Variants in LIPI observed in about 807,000 individuals in gnomAD.
LIPI encodes lipase I.
In LIPI, 59 loss-of-function variants were observed where a neutral mutation model predicts 50.6. The observed-to-expected ratio is 1.16, with a 90% CI of 0.94 to 1.45. LIPI has a LOEUF of 1.45. Ranked by LOEUF, LIPI falls within the 40% of genes most tolerant of loss-of-function variation. The pLI is 0.00. For missense variants in LIPI, 586 were observed against 536.3 expected, an observed-to-expected ratio of 1.09 and a Z score of -0.92; for synonymous variants, 203 against 178.2, an observed-to-expected ratio of 1.14 and a Z score of -1.11.
chr21:14,196,528 T>G (rs1265819381), intron 1 of LIPI, among the ~76,000 whole-genome samples: 1 of 152,100 alleles, frequency 6.6e-6, no homozygotes, highest in African/African-American at 2.4e-5. Context: ...GTGCACCTAT[T>G]TTTTCAAAAC....
intron 7 of LIPI, among the ~76,000 whole-genome samples, chr21:14,158,457 G>C (rs1340222588): frequency 1.3e-5 from 2 of 151,406 alleles, no homozygotes; most frequent in East Asian, 3.9e-4. Flanking sequence ...AAATTTCACA[G>C]ACTAAATGAT....
Position 14,166,435 on chromosome 21 carries a change from C to T in LIPI, c.660G>A (p.Glu220=), listed in dbSNP as rs766768047. Reference sequence around the variant, plus strand: ...GATAAAAATCTATATGTCCCAAGGGCTCTTGAATGCCTAAACCTGAGAAGA... The same window carrying T: ...GATAAAAATCTATATGTCCCAAGGGTTCTTGAATGCCTAAACCTGAGAAGA... ...HSDSNGLGIQ[E]PLGHIDFYPN... Residue 220 remains glutamate (E), a synonymous_variant, in exon 5 of 10, where the codon GAG becomes GAA. Coordinates refer to ENST00000681601, the MANE Select transcript of LIPI (RefSeq NM_001302998.2). 33 of 1,604,142 alleles carry T rather than the reference C, an allele frequency of 2.1e-5. No homozygotes were observed. Among genetic ancestry groups the T allele is most frequent in the Non-Finnish European group, 2.7e-5 (32 of 1,171,070 alleles).
Position 14,165,361 on chromosome 21 carries a change from T to C in LIPI, c.763A>G (p.Arg255Gly), listed in dbSNP as rs1211342905. The change falls in exon 6 of 10, where the codon AGA (arginine) becomes GGA (glycine). Residue 255 changes from arginine to glycine, a missense_variant. Transcript: ENST00000681601. ...GIQFIKCNHQ[R>G]AVHLFMASLE... ...GATGCCATGAACAAGTGAACTGCTC[T>C]CTGGTGGTTGCATTTAATGAATTGA... 1 of 1,612,440 alleles carries C rather than the reference T, an allele frequency of 6.2e-7. No individual in the cohort carries two copies. The highest frequency in any genetic ancestry group is 1.3e-5 in the African/African-American group (1 of 74,856).
intron 9 of LIPI, among the ~76,000 whole-genome samples, chr21:14,137,762 G>T (rs1247189487): frequency 6.6e-6 from 1 of 152,078 alleles, no homozygotes; most frequent in Non-Finnish European, 1.5e-5. Context: ...GTATAAGAAA[G>T]TTATAGAATA....
chr21:14,210,933 C>T lies in LIPI; in HGVS notation c.-88G>A. 1 of 1,117,880 alleles carries T rather than the reference C, an allele frequency of 8.9e-7. No individual in the cohort carries two copies. The highest frequency in any genetic ancestry group is 1.1e-6 in the Non-Finnish European group (1 of 906,240). 69.2% of individuals were successfully genotyped at this position (1,117,880 alleles called of 1,614,324 possible). A position where few individuals can be genotyped will look rare whatever the true frequency, so the allele number is the denominator to read the frequency against. On this transcript the variant is annotated 5_prime_UTR_variant, in exon 1 of 10. Transcript: ENST00000681601. ...TGAGGTTTCTCTTTGGTAGGATCATCACAGGCTGGCAGGTTCTTCTGTAAA... is the reference window on the plus strand; with the variant it reads ...TGAGGTTTCTCTTTGGTAGGATCATTACAGGCTGGCAGGTTCTTCTGTAAA...
At chr21:14,137,322 TA>T (rs1306697195) in intron 9 of LIPI, among the ~76,000 whole-genome samples, 2 of 152,134 alleles carry the variant, frequency 1.3e-5, no homozygotes, top group African/African-American at 4.8e-5. Flanking sequence ...TTGAGGAAAC[TA>T]AAAGGAATTC....
intron 3 of LIPI, among the ~76,000 whole-genome samples, chr21:14,183,258 A>C (rs1269047879): frequency 6.6e-6 from 1 of 152,086 alleles, no homozygotes; most frequent in East Asian, 1.9e-4. Flanking sequence ...GTGCTGGGAA[A>C]ACTGGCTAGC....
At chr21:14,125,787 C>T (rs1029617933) in intron 9 of LIPI, among the ~76,000 whole-genome samples, 1 of 152,094 alleles carries the variant, frequency 6.6e-6, no homozygotes, top group Non-Finnish European at 1.5e-5. Flanking sequence ...CTCCATCTGA[C>T]CTCGTGATCC....
In LIPI at chr21:14,144,630, G is replaced by T; in HGVS notation, c.1288C>A (p.Pro430Thr). The T allele has an allele frequency of 2.0e-6, 3 of 1,505,742 alleles. No individual in the cohort carries two copies. Among genetic ancestry groups the T allele is most frequent in the South Asian group, 1.2e-5 (1 of 86,426 alleles). The allele number at this position is 1,505,742 out of a possible 1,614,324, so 93.3% of individuals were successfully genotyped here. Residue 430 changes from proline (P) to threonine (T), a missense_variant, in exon 9 of 10, where the codon CCA (proline) becomes ACA (threonine). Pro to Thr is a conservative substitution (Grantham distance 38). Coordinates refer to ENST00000681601, the MANE Select transcript of LIPI (RefSeq NM_001302998.2). ...AAAATTTAATTTTCTTACCTTTCTG[G>T]GTATGTAAGTGATTTTAACATGAGA... is the stretch of plus-strand genomic sequence containing the variant. ...QSLMLKSLTY[P>T]ERPPLCRYNI...
intron 7 of LIPI, among the ~76,000 whole-genome samples, chr21:14,158,374 A>C (rs1330882897): frequency 3.3e-5 from 5 of 151,634 alleles, no homozygotes; most frequent in Admixed American, 6.6e-5. Flanking sequence ...TTCTCTAAAA[A>C]ATACATAGAA....
rs543484868 is a variant in LIPI at position 14,181,039 on chromosome 21, T to C, written c.643+719A>G. ...TTTACTGACCTTACAACCTTTATTCTAGTTTCCTCAACTGTAAAGGGAATG... is the reference window on the plus strand; with the variant it reads ...TTTACTGACCTTACAACCTTTATTCCAGTTTCCTCAACTGTAAAGGGAATG... On this transcript the variant is annotated intron_variant, in intron 4 of 9. Transcript: ENST00000681601. Among the ~76,000 whole-genome samples the C allele has an allele frequency of 3.3e-5, 5 of 152,318 alleles. No homozygotes were observed. In the East Asian group the frequency reaches 9.6e-4, roughly 29 times the overall value.
chr21:14,116,724 T>C (rs1440512487), intron 9 of LIPI, among the ~76,000 whole-genome samples: 1 of 152,070 alleles, frequency 6.6e-6, no homozygotes, highest in Non-Finnish European at 1.5e-5. Context: ...ATACATAGAC[T>C]CCTGGCTGAA....
At chr21:14,109,494 C>T (rs1381591898) in intron 9 of LIPI, among the ~76,000 whole-genome samples, 1 of 151,970 alleles carries the variant, frequency 6.6e-6, no homozygotes, top group Admixed American at 6.6e-5. Context: ...TCCTCTTATG[C>T]CACCTACTAA....
At chr21:14,162,468 T>C (rs1038973657) in intron 7 of LIPI, among the ~76,000 whole-genome samples, 2 of 151,734 alleles carry the variant, frequency 1.3e-5, no homozygotes, top group Non-Finnish European at 2.9e-5. Flanking sequence ...GGCAAGTGTA[T>C]AGGAAAATCT....
chr21:14,154,300 T>C lies in LIPI; in HGVS notation c.1007-1616A>G, dbSNP rs182310750. Among the ~76,000 whole-genome samples the C allele has an allele frequency of 7.9e-4, 121 of 152,256 alleles. 1 individual carries two copies. The highest frequency in any genetic ancestry group is 4.0e-3 in the Admixed American group (61 of 15,272). On this transcript the variant is annotated intron_variant, in intron 7 of 9. Coordinates refer to ENST00000681601, the MANE Select transcript of LIPI (RefSeq NM_001302998.2). ...AGTCGTATTTTCAATGTGCTGAGCA[T>C]ATAAACTTTCAATATAGAATTCTGT...
intron 7 of LIPI, among the ~76,000 whole-genome samples, chr21:14,162,467 A>G (rs1441331333): frequency 6.6e-6 from 1 of 151,830 alleles, no homozygotes; most frequent in Non-Finnish European, 1.5e-5. Context: ...AGGCAAGTGT[A>G]TAGGAAAATC....
intron 1 of LIPI, among the ~76,000 whole-genome samples, chr21:14,209,921 A>G (rs751732867): frequency 2.9e-4 from 44 of 152,092 alleles, no homozygotes; most frequent in Non-Finnish European, 4.9e-4. Context: ...TAAACTACAT[A>G]TCAGTATCAT....
Position 14,109,093 on chromosome 21 carries a change from A to C in LIPI, c.1296-13T>G, listed in dbSNP as rs780893281. On this transcript the variant is annotated splice_polypyrimidine_tract_variant and intron_variant, in intron 9 of 9. Transcript: ENST00000681601. ...GCAAAGTGGTGGTCTGAGAAAGAGA[A>C]AAATGGAGAGAACAAAAAAATAACT... The C allele has an allele frequency of 5.7e-6, 9 of 1,578,002 alleles. No individual in the cohort carries two copies. In the African/African-American group the frequency reaches 9.4e-5, roughly 17 times the overall value.
At chr21:14,203,320 A>C (rs568814870) in intron 1 of LIPI, among the ~76,000 whole-genome samples, 3,495 of 152,052 alleles carry the variant, frequency 0.023, 118 homozygotes, top group African/African-American at 0.077. Context: ...TTGACCCAGC[A>C]ATCCCATTAC....
Sources: gnomAD v4.1 joint callset for allele counts (sites outside exome capture counted in the v4.1 genomes callset) on GRCh38, gnomAD v4.1.1 for gene constraint, MANE v1.5 for transcripts, NCBI Gene and HGNC (gene_info 2026-07-23, HGNC 2026-07-21) for gene names.